CLSTN2: variants seen among roughly 807,000 people sequenced by gnomAD.
CLSTN2 encodes the protein calsyntenin 2.
CLSTN2 carries 48 observed loss-of-function variants against 101.2 expected under a neutral mutation model. The ratio of observed to expected loss-of-function variants is 0.47; its 90% CI spans 0.38 to 0.60. The LOEUF (loss-of-function observed/expected upper bound fraction) is 0.60. Among genes scored for constraint, CLSTN2 ranks in the 20% least tolerant of loss-of-function variants. The pLI, the probability that CLSTN2 is intolerant of heterozygous loss-of-function variation, is 0.00. For synonymous variants in CLSTN2, 481 were observed against 463.6 expected, an observed-to-expected ratio of 1.04 and a Z score of -0.48; for missense variants, 1,160 against 1,238.2, an observed-to-expected ratio of 0.94 and a Z score of 0.95.
At chr3:140,434,451 G>A (rs1352395389) in intron 5 of CLSTN2, among the ~76,000 whole-genome samples, 1 of 152,174 alleles carries the variant, frequency 6.6e-6, no homozygotes, top group East Asian at 1.9e-4. Flanking sequence ...CTGGAGCGGT[G>A]GTGAGGTGAG....
At chr3:140,110,613 T>A (rs1007654680) in intron 1 of CLSTN2, among the ~76,000 whole-genome samples, 3 of 152,248 alleles carry the variant, frequency 2.0e-5, no homozygotes, top group Non-Finnish European at 4.4e-5. Flanking sequence ...AGGATAGATA[T>A]ATTGCTGCAA....
At chr3:140,319,761 G>A (rs1395183586) in intron 2 of CLSTN2, among the ~76,000 whole-genome samples, 1 of 152,172 alleles carries the variant, frequency 6.6e-6, no homozygotes, top group Non-Finnish European at 1.5e-5. Context: ...AAGCAAAGGT[G>A]CAAACCCTTC....
Position 139,975,020 on chromosome 3 carries a change from A to G in CLSTN2, c.109+39537A>G, listed in dbSNP as rs930399574. On this transcript the variant is annotated intron_variant, in intron 1 of 16. Coordinates refer to ENST00000458420, the MANE Select transcript of CLSTN2 (RefSeq NM_022131.3). Reference sequence around the variant, plus strand: ...GCCTCACTCTCATGCTTCAGCTCACATAGTCCCAGGATATCTCTATGGAGG... The same window carrying G: ...GCCTCACTCTCATGCTTCAGCTCACGTAGTCCCAGGATATCTCTATGGAGG... 2.6e-5 allele frequency among the ~76,000 whole-genome samples: 4 copies of G among 152,220 alleles called. No individual in the cohort carries two copies. In the East Asian group the frequency reaches 5.8e-4, roughly 22 times the overall value.
At chr3:139,992,913 G>A (rs561883168) in intron 1 of CLSTN2, among the ~76,000 whole-genome samples, 27 of 152,170 alleles carry the variant, frequency 1.8e-4, no homozygotes, top group Non-Finnish European at 2.1e-4. Flanking sequence ...ACTTAAGAGT[G>A]TACTCATGCA....
chr3:139,981,538 G>A (rs1032385391), intron 1 of CLSTN2, among the ~76,000 whole-genome samples: 12 of 152,160 alleles, frequency 7.9e-5, no homozygotes, highest in South Asian at 2.1e-4. Context: ...TTAATTAAAT[G>A]TCAATGACTA....
chr3:140,528,964 C>CAGAT (rs1207603385), intron 8 of CLSTN2, among the ~76,000 whole-genome samples: 1 of 152,228 alleles, frequency 6.6e-6, no homozygotes, highest in African/African-American at 2.4e-5. Context: ...TAATAGTTGA[C>CAGAT]AGATAGTAGT....
intron 1 of CLSTN2, among the ~76,000 whole-genome samples, chr3:139,988,428 C>G (rs1936064607): frequency 1.3e-5 from 2 of 152,286 alleles, no homozygotes; most frequent in South Asian, 4.1e-4. Context: ...CCACTTGGTC[C>G]ATATCCCATG....
At position 140,448,392 on chromosome 3, in the gene CLSTN2, T is replaced by C. The variant is rs1266298860; in HGVS notation, c.788-127T>C. 4 of 760,000 alleles carry C rather than the reference T, an allele frequency of 5.3e-6. No individual in the cohort carries two copies. The East Asian group carries it at 1.0e-4, about 20-fold the overall frequency. 47.1% of individuals were successfully genotyped at this position (760,000 alleles called of 1,614,324 possible). A position where few individuals can be genotyped will look rare whatever the true frequency, so the allele number is the denominator to read the frequency against. ...TAAAACTGCCATTATTCTCAAACTG[T>C]TCCCTAATATCTAATATATGTGTTG... On this transcript the variant is annotated intron_variant, in intron 5 of 16. Transcript: ENST00000458420.
In CLSTN2 at chr3:140,261,821, C is replaced by T. The variant is rs565050540; in HGVS notation, c.232+85748C>T. The stretch of plus-strand genomic sequence containing the variant: ...CCACCTTCTCTTGCTTCTCTGTAAG[C>T]TCTCCAACAGTAGGAGACCTGGTTC... On this transcript the variant is annotated intron_variant, in intron 2 of 16. Coordinates refer to ENST00000458420, the MANE Select transcript of CLSTN2 (RefSeq NM_022131.3). Among the ~76,000 whole-genome samples, 10 of 152,314 alleles carry T rather than the reference C, an allele frequency of 6.6e-5. No homozygotes were observed. The South Asian group carries it at 2.1e-3, about 32-fold the overall frequency.
At chr3:140,509,416 T>C (rs1476388687) in intron 8 of CLSTN2, among the ~76,000 whole-genome samples, 1 of 152,148 alleles carries the variant, frequency 6.6e-6, no homozygotes, top group African/African-American at 2.4e-5. Flanking sequence ...AGTGAATTTA[T>C]AGCAAGTTCC....
chr3:140,146,976 C>A (rs2009789889), intron 1 of CLSTN2, among the ~76,000 whole-genome samples: 2 of 152,208 alleles, frequency 1.3e-5, no homozygotes, highest in Non-Finnish European at 2.9e-5. Flanking sequence ...ACAATACAAC[C>A]AGCTGGCACC....
intron 2 of CLSTN2, among the ~76,000 whole-genome samples, chr3:140,261,660 C>T (rs909529001): frequency 3.4e-4 from 51 of 150,360 alleles, no homozygotes; most frequent in African/African-American, 1.3e-3. Flanking sequence ...GAAATGTTTA[C>T]TATGTATACT....
intron 9 of CLSTN2, among the ~76,000 whole-genome samples, chr3:140,538,596 C>T (rs1845472): frequency 0.23 from 35,647 of 152,138 alleles, 4,734 homozygotes; most frequent in African/African-American, 0.36. Context: ...AGGTCATTTT[C>T]TTCTGCCAGA....
chr3:140,407,570 T>C (rs1408562140), intron 4 of CLSTN2, among the ~76,000 whole-genome samples: 4 of 152,190 alleles, frequency 2.6e-5, no homozygotes, highest in Non-Finnish European at 5.9e-5. Context: ...GTATCTGGCA[T>C]AGAGAGAGCA....
chr3:140,524,392 A>G (rs1935093578), intron 8 of CLSTN2, among the ~76,000 whole-genome samples: 1 of 152,236 alleles, frequency 6.6e-6, no homozygotes, highest in Admixed American at 6.5e-5. Flanking sequence ...ATAAGAGGCC[A>G]TATGTGGAAG....
chr3:140,386,582 G>T (rs2088053955), intron 2 of CLSTN2, among the ~76,000 whole-genome samples: 1 of 152,156 alleles, frequency 6.6e-6, no homozygotes, highest in Admixed American at 6.5e-5. Context: ...GCTCTCCCCT[G>T]CCTTCAGGGT....
chr3:140,333,445 T>C (rs2087407792), intron 2 of CLSTN2, among the ~76,000 whole-genome samples: 1 of 152,140 alleles, frequency 6.6e-6, no homozygotes, highest in African/African-American at 2.4e-5. Context: ...TCCATGGCTC[T>C]CCACTCTAGA....
rs530832507 is a variant in CLSTN2, at chr3:140,324,677, A to G, written c.233-78952A>G. Among the ~76,000 whole-genome samples, 21 of 152,378 alleles carry G rather than the reference A, an allele frequency of 1.4e-4. No individual in the cohort carries two copies. The South Asian group carries it at 4.3e-3, about 32-fold the overall frequency. ...AAGCAATGGTGCTTAGCCTGATTGCAGAGAATGCCCTCTTGACATGAATCT... is the reference window on the plus strand; with the variant it reads ...AAGCAATGGTGCTTAGCCTGATTGCGGAGAATGCCCTCTTGACATGAATCT... On this transcript the variant is annotated intron_variant, in intron 2 of 16. Transcript: ENST00000458420.
chr3:140,279,449 C>T (rs1372990691), intron 2 of CLSTN2, among the ~76,000 whole-genome samples: 2 of 152,182 alleles, frequency 1.3e-5, no homozygotes, highest in African/African-American at 2.4e-5. Context: ...AAAGGTGTTA[C>T]ATTGAGCTAG....
Sources: allele counts gnomAD v4.1 joint callset (sites outside exome capture counted in the v4.1 genomes callset), GRCh38; gene constraint gnomAD v4.1.1; transcripts MANE v1.5; gene names NCBI Gene and HGNC (gene_info 2026-07-23, HGNC 2026-07-21).